Variants in FRMD3 observed in about 807,000 individuals in gnomAD.
The protein encoded by FRMD3 is FERM domain containing 3.
FRMD3 carries 33 observed loss-of-function variants against 70.2 expected under a neutral mutation model. That is an observed-to-expected ratio of 0.47 (90% confidence interval 0.36 to 0.63). FRMD3 has a LOEUF of 0.63. Among genes scored for constraint, FRMD3 ranks in the 20% least tolerant of loss-of-function variants. FRMD3 has a pLI of 0.00. For missense variants in FRMD3, 632 were observed against 711.4 expected, an observed-to-expected ratio of 0.89 and a Z score of 1.27; for synonymous variants, 279 against 255.9, an observed-to-expected ratio of 1.09 and a Z score of -0.86.
chr9:83,293,958 G>C (rs1015087866), intron 12 of FRMD3, among the ~76,000 whole-genome samples: 1 of 152,178 alleles, frequency 6.6e-6, no homozygotes, highest in Non-Finnish European at 1.5e-5. Context: ...AGCCCAATGT[G>C]AGGCACTTTG....
intron 7 of FRMD3, 94 bp downstream of exon 7, chr9:83,313,566 A>G: frequency 1.0e-6 from 1 of 975,946 alleles, no homozygotes; most frequent in East Asian, 2.4e-5. Context: ...GCTGTGGGAA[A>G]GATTTAACAA....
At chr9:83,302,233 A>G (rs561443662) in intron 10 of FRMD3, among the ~76,000 whole-genome samples, 1 of 152,298 alleles carries the variant, frequency 6.6e-6, no homozygotes, top group African/African-American at 2.4e-5. Flanking sequence ...ACAGGTTCTC[A>G]GGCTTGATCA....
chr9:83,501,187 G>A (rs940541309), intron 1 of FRMD3, among the ~76,000 whole-genome samples: 7 of 152,072 alleles, frequency 4.6e-5, no homozygotes, highest in Admixed American at 3.9e-4. Flanking sequence ...CCAGCTACTC[G>A]GGAGGCTGAG....
chr9:83,290,850 T>C, intron 12 of FRMD3, 123 bp from the exon 13 acceptor site: 1 of 997,798 alleles, frequency 1.0e-6, no homozygotes, highest in South Asian at 1.6e-5. Context: ...CACAGTGAAT[T>C]GAGCCAGTAG....
In FRMD3 at chr9:83,465,350, G is replaced by A. The variant is rs990959515; in HGVS notation, c.147+72735C>T. ...CATGCCTGTAAGCTCAGAATTTTGG[G>A]AGGCCGAGGCAGGAGGATCACTTGA... is the stretch of plus-strand genomic sequence containing the variant. On this transcript the variant is annotated intron_variant, in intron 1 of 13. Transcript: ENST00000304195. Among the ~76,000 whole-genome samples, 3 of 152,160 alleles carry A rather than the reference G, an allele frequency of 2.0e-5. No individual in the cohort carries two copies. The South Asian group carries it at 6.2e-4, about 32-fold the overall frequency.
At chr9:83,568,445 G>C in the FRMD3 span, among the ~76,000 whole-genome samples, 1 of 152,238 alleles carries the variant, frequency 6.6e-6, no homozygotes, top group South Asian at 2.1e-4. Context: ...CACATATCAA[G>C]TACCACTTTG....
intron 1 of FRMD3, among the ~76,000 whole-genome samples, chr9:83,400,841 G>A (rs1363692378): frequency 6.6e-6 from 1 of 152,186 alleles, no homozygotes; most frequent in African/African-American, 2.4e-5. Context: ...AGTGCTTTCA[G>A]AAATGAGCTA....
intron 1 of FRMD3, among the ~76,000 whole-genome samples, chr9:83,483,497 C>T (rs1489186290): frequency 6.6e-6 from 1 of 152,228 alleles, no homozygotes; most frequent in Non-Finnish European, 1.5e-5. Flanking sequence ...ATCTACACCA[C>T]TGATTAAATC....
intron 1 of FRMD3, among the ~76,000 whole-genome samples, chr9:83,458,744 A>G (rs1305636265): frequency 1.3e-5 from 2 of 152,224 alleles, no homozygotes; most frequent in Non-Finnish European, 2.9e-5. Flanking sequence ...GTCATCAGAA[A>G]ATATCCAAAT....
intron 1 of FRMD3, among the ~76,000 whole-genome samples, chr9:83,482,636 A>G (rs1828594662): frequency 6.6e-6 from 1 of 152,244 alleles, no homozygotes; most frequent in Admixed American, 6.5e-5. Context: ...ATGGTAGGAC[A>G]TTATAGAATA....
chr9:83,336,267 T>C (rs11140035), intron 5 of FRMD3, among the ~76,000 whole-genome samples: 7,885 of 152,222 alleles, frequency 0.052, 305 homozygotes, highest in Middle Eastern at 0.12. Flanking sequence ...CCACAATGCA[T>C]ACATATTTCA....
At chr9:83,335,980 T>A (rs1053860366) in intron 5 of FRMD3, among the ~76,000 whole-genome samples, 2 of 152,176 alleles carry the variant, frequency 1.3e-5, no homozygotes, top group African/African-American at 4.8e-5. Context: ...GTAGGACATT[T>A]AGTAGCTCTA....
At chr9:83,262,355 A>G (rs1833030966) in intron 13 of FRMD3, among the ~76,000 whole-genome samples, 1 of 152,178 alleles carries the variant, frequency 6.6e-6, no homozygotes, top group African/African-American at 2.4e-5. Flanking sequence ...GTTTTCATGC[A>G]CTGCTCACAT....
At chr9:83,272,003 C>T (rs1259144715) in intron 13 of FRMD3, among the ~76,000 whole-genome samples, 1 of 152,122 alleles carries the variant, frequency 6.6e-6, no homozygotes, top group Non-Finnish European at 1.5e-5. Flanking sequence ...GTAAGGAAAG[C>T]CAACAAGCAT....
rs183995221 is a variant in FRMD3 at position 83,484,489 on chromosome 9, C to T, written c.147+53596G>A. 3.3e-5 allele frequency among the ~76,000 whole-genome samples: 5 copies of T among 152,284 alleles called. No individual in the cohort carries two copies. In the East Asian group the frequency reaches 9.6e-4, roughly 29 times the overall value. ...CTGGAGTGCAGTGGCATGATCTCGG[C>T]TCTCTGTAACTTCCACCCCTCAGGT... On this transcript the variant is annotated intron_variant, in intron 1 of 13. Coordinates refer to ENST00000304195, the MANE Select transcript of FRMD3 (RefSeq NM_174938.6).
At chr9:83,512,357 A>G (rs969793466) in intron 1 of FRMD3, among the ~76,000 whole-genome samples, 4 of 152,200 alleles carry the variant, frequency 2.6e-5, no homozygotes, top group African/African-American at 9.7e-5. Flanking sequence ...AAGACAGAAA[A>G]CAAACAGGCA....
chr9:83,536,978 C>T (rs551310452), intron 1 of FRMD3, among the ~76,000 whole-genome samples: 54 of 143,792 alleles, frequency 3.8e-4, no homozygotes, highest in African/African-American at 1.4e-3. Flanking sequence ...CCTCAAGACT[C>T]GACTAGGGTA....
intron 10 of FRMD3, among the ~76,000 whole-genome samples, chr9:83,304,767 G>A (rs1002050496): frequency 1.1e-4 from 16 of 152,206 alleles, no homozygotes; most frequent in African/African-American, 3.9e-4. Context: ...TGTGCTTTCA[G>A]TGAACCAGCA....
chr9:83,584,429 T>G, the FRMD3 span, among the ~76,000 whole-genome samples: 1 of 152,128 alleles, frequency 6.6e-6, no homozygotes, highest in African/African-American at 2.4e-5. Context: ...TTTTAACTTC[T>G]TATATTCCCT....
Sources: gnomAD v4.1 joint callset for allele counts (sites outside exome capture counted in the v4.1 genomes callset) on GRCh38, gnomAD v4.1.1 for gene constraint, MANE v1.5 for transcripts, NCBI Gene and HGNC (gene_info 2026-07-23, HGNC 2026-07-21) for gene names.